ITGA4: variants seen among roughly 807,000 people sequenced by gnomAD.
ITGA4 encodes the protein integrin subunit alpha 4.
In ITGA4, 63 loss-of-function variants were observed where a neutral mutation model predicts 133.6. The observed-to-expected ratio is 0.47, with a 90% CI of 0.38 to 0.58. The LOEUF is 0.58. Among genes scored for constraint, ITGA4 ranks in the 20% least tolerant of loss-of-function variants. The pLI is 0.00. For missense variants in ITGA4, 1,076 were observed against 1,252.7 expected (o/e 0.86, Z 2.13); for synonymous variants, 483 against 438.0 (o/e 1.10, Z -1.28).
intron 16 of ITGA4, among the ~76,000 whole-genome samples, chr2:181,510,740 G>A (rs1365643519): frequency 6.6e-6 from 1 of 152,000 alleles, no homozygotes; most frequent in Non-Finnish European, 1.5e-5. Flanking sequence ...ACGGAAGTCA[G>A]GGGTTGTTTT....
At chr2:181,494,307 C>A (rs1431691094) in intron 11 of ITGA4, among the ~76,000 whole-genome samples, 2 of 152,018 alleles carry the variant, frequency 1.3e-5, no homozygotes, top group Non-Finnish European at 2.9e-5. Flanking sequence ...AAATAGAGAG[C>A]CTGAAGAGAC....
intron 14 of ITGA4, among the ~76,000 whole-genome samples, chr2:181,496,402 G>C (rs1407730033): frequency 6.6e-6 from 1 of 151,952 alleles, no homozygotes; most frequent in Admixed American, 6.6e-5. Context: ...TCCAGCCCGG[G>C]CAATGGAATG....
At position 181,534,950 on chromosome 2, in the gene ITGA4, A is replaced by G. The variant is rs546725040; in HGVS notation, c.3003+15A>G. The stretch of plus-strand genomic sequence containing the variant: ...TTATGTGGAAGGTAAGCATTTAACA[A>G]TTACCAACATTAGTCTACTAAAAAT... On this transcript the variant is annotated intron_variant, in intron 27 of 27. Coordinates refer to ENST00000397033, the MANE Select transcript of ITGA4 (RefSeq NM_000885.6). 5.8e-6 allele frequency: 9 copies of G among 1,550,220 alleles called. No homozygotes were observed. In the East Asian group the frequency reaches 2.1e-4, roughly 36 times the overall value.
chr2:181,530,024 T>C (rs1032998784), intron 23 of ITGA4, among the ~76,000 whole-genome samples: 1 of 152,230 alleles, frequency 6.6e-6, no homozygotes, highest in African/African-American at 2.4e-5. Context: ...AGCCTTTTTT[T>C]AAGGAAGCAC....
At position 181,537,559 on chromosome 2, in the gene ITGA4, A is replaced by C. The variant is rs1281192498; in HGVS notation, c.*2032A>C. 5 of 438,896 alleles carry C rather than the reference A, an allele frequency of 1.1e-5. No individual in the cohort carries two copies. In the East Asian group the frequency reaches 2.8e-4, roughly 25 times the overall value. The allele number at this position is 438,896 out of a possible 1,614,324, so 27.2% of individuals were successfully genotyped here. A position where few individuals can be genotyped will look rare whatever the true frequency, so the allele number is the denominator to read the frequency against. On this transcript the variant is annotated 3_prime_UTR_variant, in exon 28 of 28. Transcript: ENST00000397033. ...ACTGCTCTGGATTAGGGAGCAGTGA[A>C]TCAAGGCAGACTTATGAAATCTGTA...
At chr2:181,460,846 T>C (rs165423) in intron 2 of ITGA4, among the ~76,000 whole-genome samples, 86 of 152,190 alleles carry the variant, frequency 5.7e-4, no homozygotes, top group African/African-American at 2.1e-3. Flanking sequence ...AAGGTAGAAG[T>C]TGAAATGAAA....
chr2:181,532,124 G>A (rs1574415661), intron 25 of ITGA4, among the ~76,000 whole-genome samples: 1 of 152,114 alleles, frequency 6.6e-6, no homozygotes, highest in East Asian at 1.9e-4. Context: ...TGAGGTCTCT[G>A]TTCTGTTCCA....
rs1686208492 is a variant in ITGA4, at chr2:181,498,742, G to A, written c.1660G>A (p.Glu554Lys). 5 of 1,611,722 alleles carry A rather than the reference G, an allele frequency of 3.1e-6. No homozygotes were observed. The highest frequency in any genetic ancestry group is 4.2e-6 in the Non-Finnish European group (5 of 1,178,740). ...ITGSIQVSSREANCRTHQAFM... is the reference protein window; with the variant it reads ...ITGSIQVSSRKANCRTHQAFM... ...AGGAAGCATACAGGTGTCCAGCAGA[G>A]AAGCTAACTGTAGAACACATCAAGC... Residue 554 changes from glutamate (E) to lysine (K), a missense_variant, in exon 15 of 28, where the codon GAA becomes AAA. Around this residue, in one of 4 missense-constraint regions of ITGA4, gnomAD observed 365 missense variants for 421.4 expected, o/e 0.87. Transcript: ENST00000397033.
rs1317527528 is a variant in ITGA4, at chr2:181,509,782, AAG to A, written c.1822_1823del (p.Glu608LysfsTer17). On this transcript the variant is annotated frameshift_variant, in exon 16 of 28. Transcript: ENST00000397033. LOFTEE classifies it high-confidence loss of function. ...CTTCAGCCAATTCTTCAGCAGAAGA[AAG>A]AAAAAGACATAATGAAAAAAACAGT... 2 of 1,609,754 alleles carry A rather than the reference AAG, an allele frequency of 1.2e-6. No homozygotes were observed. The highest frequency in any genetic ancestry group is 1.7e-6 in the Non-Finnish European group (2 of 1,177,742).
At chr2:181,496,833 T>C (rs149984774) in intron 14 of ITGA4, among the ~76,000 whole-genome samples, 1 of 152,082 alleles carries the variant, frequency 6.6e-6, no homozygotes, top group East Asian at 1.9e-4. Context: ...CTGTCAAGAG[T>C]TTATTGTATT....
rs562531898 is a variant in ITGA4, at chr2:181,531,835, T to G, written c.2784+59T>G. 115 of 1,319,752 alleles carry G rather than the reference T, an allele frequency of 8.7e-5. No individual in the cohort carries two copies. The South Asian group carries it at 1.7e-3, about 19-fold the overall frequency. 81.8% of individuals were successfully genotyped at this position (1,319,752 alleles called of 1,614,324 possible). ...CTAAGTTTACATAAAATCTATAAAT[T>G]CAGTCATATAGGCAGGATAGTATGA... On this transcript the variant is annotated intron_variant, in intron 25 of 27. Coordinates refer to ENST00000397033, the MANE Select transcript of ITGA4 (RefSeq NM_000885.6).
chr2:181,473,590 G>A (rs1350013105), intron 2 of ITGA4, among the ~76,000 whole-genome samples: 8 of 152,282 alleles, frequency 5.3e-5, no homozygotes, highest in Middle Eastern at 3.4e-3. Context: ...TTTAGAAAAC[G>A]AAAGTATAAA....
chr2:181,535,529 G>T lies in ITGA4; in HGVS notation c.*2G>T. The T allele has an allele frequency of 6.3e-7, 1 of 1,599,992 alleles. No homozygotes were observed. The highest frequency in any genetic ancestry group is 1.1e-5 in the South Asian group (1 of 88,488). On this transcript the variant is annotated 3_prime_UTR_variant, in exon 28 of 28. Transcript: ENST00000397033. ...AACAGTAAAAGCAATGATGATTAAGGACTTCTTTCAAATTGAGAGAATGGA... is the reference window on the plus strand; with the variant it reads ...AACAGTAAAAGCAATGATGATTAAGTACTTCTTTCAAATTGAGAGAATGGA...
intron 21 of ITGA4, 84 bp downstream of exon 21, chr2:181,525,375 C>T (rs1324089010): frequency 2.9e-6 from 2 of 696,414 alleles, no homozygotes; most frequent in Admixed American, 2.7e-5. Context: ...AAACTGTATT[C>T]TAGAATTTTT....
At position 181,522,182 on chromosome 2, in the gene ITGA4, A is replaced by G; in HGVS notation, c.1923-9A>G. The stretch of plus-strand genomic sequence containing the variant: ...AAACAAGAACTAAATAATATTACTT[A>G]ATTTTTAGGCCCCATGAAAATAAAA... On this transcript the variant is annotated splice_polypyrimidine_tract_variant and intron_variant, in intron 17 of 27. Coordinates refer to ENST00000397033, the MANE Select transcript of ITGA4 (RefSeq NM_000885.6). The G allele has an allele frequency of 6.5e-7, 1 of 1,540,360 alleles. No homozygotes were observed. The highest frequency in any genetic ancestry group is 8.9e-7 in the Non-Finnish European group (1 of 1,126,502).
rs1173269167 is a variant in ITGA4 at position 181,538,039 on chromosome 2, T to C, written c.*2512T>C. 14 of 698,918 alleles carry C rather than the reference T, an allele frequency of 2.0e-5. No individual in the cohort carries two copies. Among genetic ancestry groups the C allele is most frequent in the Middle Eastern group, 7.5e-4 (2 of 2,656 alleles). The allele number at this position is 698,918 out of a possible 1,614,324, so 43.3% of individuals were successfully genotyped here. ...TGATGATCTGAGGTGGAACAGTTCA[T>C]CCTGAAACCATTCCCCCATCCACGG... On this transcript the variant is annotated 3_prime_UTR_variant, in exon 28 of 28. Coordinates refer to ENST00000397033, the MANE Select transcript of ITGA4 (RefSeq NM_000885.6).
At chr2:181,506,242 T>A (rs74563346) in intron 15 of ITGA4, among the ~76,000 whole-genome samples, 11,836 of 152,194 alleles carry the variant, frequency 0.078, 578 homozygotes, top group South Asian at 0.13. Context: ...CACCAGAATC[T>A]CCTATTCTAG....
chr2:181,468,019 C>T (rs1386028696), intron 2 of ITGA4, among the ~76,000 whole-genome samples: 1 of 152,200 alleles, frequency 6.6e-6, no homozygotes, highest in Admixed American at 6.5e-5. Flanking sequence ...GCTTAATATG[C>T]TTACATTAAT....
intron 17 of ITGA4, among the ~76,000 whole-genome samples, chr2:181,515,770 A>G (rs1191496339): frequency 6.6e-6 from 1 of 152,102 alleles, no homozygotes; most frequent in Non-Finnish European, 1.5e-5. Flanking sequence ...AGACAGAAAT[A>G]TGTCTCTCCC....
Sources: allele counts gnomAD v4.1 joint callset (sites outside exome capture counted in the v4.1 genomes callset), GRCh38; gene constraint gnomAD v4.1.1; regional missense constraint gnomAD v4.1.1; transcripts MANE v1.5; gene names NCBI Gene and HGNC (gene_info 2026-07-23, HGNC 2026-07-21).